NQO1: variants seen among roughly 807,000 people sequenced by gnomAD.
NQO1 encodes NAD(P)H dehydrogenase [quinone] 1.
A neutral mutation model predicts 32.1 loss-of-function variants in NQO1; 30 were observed. The ratio of observed to expected loss-of-function variants is 0.94; its 90% CI spans 0.70 to 1.27. The LOEUF is 1.27. Ranked by LOEUF, NQO1 falls within the 50% of genes most tolerant of loss-of-function variation. NQO1 has a pLI of 0.00. For missense variants in NQO1, 276 were observed against 331.3 expected, an observed-to-expected ratio of 0.83 and a Z score of 1.30; for synonymous variants, 109 against 119.7, an observed-to-expected ratio of 0.91 and a Z score of 0.59.
chr16:69,718,108 G>A lies in NQO1; in HGVS notation c.303+15C>T, dbSNP rs35572901. On this transcript the variant is annotated intron_variant, in intron 3 of 5. Transcript: ENST00000320623. ...CGCAAATGTCCCTGACACCCCTTCC[G>A]ATGTCCCCCCATACCTGGAATATCA... 4,657 of 1,613,686 alleles carry A rather than the reference G, an allele frequency of 2.9e-3. 10 individuals carry two copies. The highest frequency in any genetic ancestry group is 3.8e-3 in the Non-Finnish European group (4,431 of 1,179,778).
chr16:69,724,700 C>T (rs982673647), intron 1 of NQO1, among the ~76,000 whole-genome samples: 10 of 151,728 alleles, frequency 6.6e-5, no homozygotes, highest in Non-Finnish European at 1.3e-4. Flanking sequence ...GACCCTGTCT[C>T]AAAAAGAAAA....
intron 1 of NQO1, among the ~76,000 whole-genome samples, chr16:69,720,619 C>T (rs1344892362): frequency 6.6e-6 from 1 of 151,530 alleles, no homozygotes; most frequent in East Asian, 1.9e-4. Context: ...CAACCTCCGC[C>T]TCTCAGGTTC....
chr16:69,715,150 G>T, intron 3 of NQO1, 73 bp from the exon 4 acceptor site: 1 of 1,071,966 alleles, frequency 9.3e-7, no homozygotes, highest in Non-Finnish European at 1.4e-6. Flanking sequence ...GGAGTGCTGA[G>T]CCGCTCCCCA....
chr16:69,714,825 G>T, intron 4 of NQO1, 139 bp downstream of exon 4: 1 of 607,852 alleles, frequency 1.6e-6, no homozygotes, highest in South Asian at 1.7e-5. Flanking sequence ...GTTGCAGTGA[G>T]CCGAGATCCC....
intron 1 of NQO1, among the ~76,000 whole-genome samples, chr16:69,722,675 TAAAAC>T (rs1390681116): frequency 1.3e-5 from 2 of 152,164 alleles, no homozygotes; most frequent in East Asian, 3.9e-4. Context: ...TTTGGACTCT[TAAAAC>T]TAAGACTCAG....
At chr16:69,720,685 C>T (rs946313592) in intron 1 of NQO1, among the ~76,000 whole-genome samples, 27 of 151,894 alleles carry the variant, frequency 1.8e-4, no homozygotes, top group Non-Finnish European at 3.1e-4. Context: ...TGTGAGCCAC[C>T]GTGCCAGGCC....
At chr16:69,726,027 A>AT (rs1462906032) in intron 1 of NQO1, among the ~76,000 whole-genome samples, 1 of 152,186 alleles carries the variant, frequency 6.6e-6, no homozygotes, top group Non-Finnish European at 1.5e-5. Context: ...CGGAATCCAC[A>AT]TTTTTAAGTG....
chr16:69,715,571 C>T (rs139915426), intron 3 of NQO1, among the ~76,000 whole-genome samples: 4,566 of 152,238 alleles, frequency 0.03, 130 homozygotes, highest in East Asian at 0.12. Context: ...AGTTTGAGAC[C>T]AGCCTGGCCA....
intron 5 of NQO1, among the ~76,000 whole-genome samples, 195 bp downstream of exon 5, chr16:69,712,833 C>T (rs2038058503): frequency 6.6e-6 from 1 of 151,982 alleles, no homozygotes; most frequent in African/African-American, 2.4e-5. Flanking sequence ...GGCAAGACCC[C>T]GTCTCTACTA....
intron 1 of NQO1, among the ~76,000 whole-genome samples, chr16:69,725,655 AC>A (rs1383473296): frequency 6.6e-6 from 1 of 152,126 alleles, no homozygotes; most frequent in East Asian, 1.9e-4. Context: ...TGGGTGGATC[AC>A]CTGAGGTCAG....
chr16:69,713,037 C>A lies in NQO1; in HGVS notation c.510G>T (p.Trp170Cys). ...GIHGDMNVILWPIQSGILHFC... is the reference protein window; with the variant it reads ...GIHGDMNVILCPIQSGILHFC... ...AAAGAAAATGAGGTACCTGAATTGG[C>A]CAGAGAATGACATTCATGTCCCCGT... is the stretch of plus-strand genomic sequence containing the variant. The change falls in exon 5 of 6, where the codon TGG becomes TGT. Residue 170 changes from tryptophan to cysteine, a missense_variant. Trp to Cys is a radical substitution (Grantham distance 215, BLOSUM62 -2). Transcript: ENST00000320623. 1 of 1,612,948 alleles carries A rather than the reference C, an allele frequency of 6.2e-7. No homozygotes were observed. Among genetic ancestry groups the A allele is most frequent in the South Asian group, 1.1e-5 (1 of 91,004 alleles).
At position 69,709,532 on chromosome 16, in the gene NQO1, T is replaced by G; in HGVS notation, c.*1444A>C. On this transcript the variant is annotated 3_prime_UTR_variant, in exon 6 of 6. Transcript: ENST00000320623. ...CCCAGCCGTCAGCTATTGTGGATAC[T>G]GTCGAGAGCAAAAACCACCAGTGCC... is the stretch of plus-strand genomic sequence containing the variant. The G allele has an allele frequency of 2.6e-6, 1 of 379,876 alleles. No individual in the cohort carries two copies. Among genetic ancestry groups the G allele is most frequent in the East Asian group, 3.7e-5 (1 of 26,680 alleles). The allele number at this position is 379,876 out of a possible 1,614,324, so 23.5% of individuals were successfully genotyped here.
chr16:69,718,024 A>G, intron 3 of NQO1, 99 bp downstream of exon 3: 1 of 1,483,654 alleles, frequency 6.7e-7, no homozygotes, highest in Non-Finnish European at 9.2e-7. Flanking sequence ...GAATGCAGTA[A>G]AGTGGGTAAC....
In NQO1 at chr16:69,726,516, G is replaced by C; in HGVS notation, c.-77C>G. On this transcript the variant is annotated 5_prime_UTR_variant, in exon 1 of 6. Transcript: ENST00000320623. ...CGACCCTGGCCGGAACTAGGCTCTC[G>C]GTGAGCTGGGCGGCTCCGGCTGCAA... The C allele has an allele frequency of 6.3e-7, 1 of 1,580,690 alleles. No homozygotes were observed. Among genetic ancestry groups the C allele is most frequent in the Non-Finnish European group, 8.6e-7 (1 of 1,169,086 alleles).
In NQO1 at chr16:69,711,208, G is replaced by C. The variant is rs2151741783; in HGVS notation, c.593C>G (p.Ala198Gly). Residue 198 changes from alanine to glycine, a missense_variant, in exon 6 of 6, where the codon GCA becomes GGA. Physicochemically the swap from Ala to Gly is moderately conservative, Grantham distance 60. Coordinates refer to ENST00000320623, the MANE Select transcript of NQO1 (RefSeq NM_000903.3). ...QLTYSIGHTP[A>G]DARIQILEGW... ...TTCCAGGATTTGAATTCGGGCGTCT[G>C]CTGGAGTGTGCCCAATGCTATATGT... The C allele has an allele frequency of 6.2e-7, 1 of 1,614,190 alleles. No individual in the cohort carries two copies. The highest frequency in any genetic ancestry group is 8.5e-7 in the Non-Finnish European group (1 of 1,180,014).
intron 1 of NQO1, among the ~76,000 whole-genome samples, chr16:69,720,415 A>G (rs184908507): frequency 6.6e-6 from 1 of 151,844 alleles, no homozygotes; most frequent in Admixed American, 6.6e-5. Context: ...GAAGGGAGAG[A>G]GGGAAGGGAA....
At chr16:69,718,906 GCA>G (rs2038152944) in intron 1 of NQO1, among the ~76,000 whole-genome samples, 1 of 151,872 alleles carries the variant, frequency 6.6e-6, no homozygotes, top group Admixed American at 6.6e-5. Context: ...GTGGTGGCAG[GCA>G]CCTGTAATCC....
Position 69,715,072 on chromosome 16 carries a change from G to T in NQO1, c.309C>A (p.Pro103=), listed in dbSNP as rs1277518582. The change falls in exon 4 of 6, where the codon CCC becomes CCA. Residue 103 remains proline, a synonymous_variant. Transcript: ENST00000320623. ...TGGCAGGGACTCCAAACCACTGCAG[G>T]GGGAACTGTGGGACAGAAGACATCA... ...EAADLVIFQF[P]LQWFGVPAIL... 1 of 1,612,236 alleles carries T rather than the reference G, an allele frequency of 6.2e-7. No individual in the cohort carries two copies. The highest frequency in any genetic ancestry group is 1.1e-5 in the South Asian group (1 of 91,064).
Position 69,711,148 on chromosome 16 carries a change from T to A in NQO1, c.653A>T (p.Glu218Val). ...GCTTGGAGCAAAATACAGTGGTGTC[T>A]CATCCCAAATATTCTCCAGGCGTTT... The part of the protein sequence containing the change: ...WKKRLENIWD[E>V]TPLYFAPSSL... The change falls in exon 6 of 6, where the codon GAG becomes GTG. Residue 218 changes from glutamate to valine, a missense_variant. By Grantham distance (121) the Glu-to-Val change is moderately radical (BLOSUM62 -2). Coordinates refer to ENST00000320623, the MANE Select transcript of NQO1 (RefSeq NM_000903.3). 6.2e-7 allele frequency: 1 copy of A among 1,614,204 alleles called. No individual in the cohort carries two copies. Among genetic ancestry groups the A allele is most frequent in the Non-Finnish European group, 8.5e-7 (1 of 1,180,030 alleles).
Sources: gnomAD v4.1 joint callset for allele counts (sites outside exome capture counted in the v4.1 genomes callset) on GRCh38, gnomAD v4.1.1 for gene constraint, MANE v1.5 for transcripts, NCBI Gene and HGNC (gene_info 2026-07-23, HGNC 2026-07-21) for gene names.